PRELID3A: variants seen among roughly 807,000 people sequenced by gnomAD.
PRELID3A encodes the protein PRELI domain containing 3A.
In PRELID3A, 27 loss-of-function variants were observed where a neutral mutation model predicts 23.0. The observed-to-expected ratio is 1.17, with a 90% CI of 0.87 to 1.62. The LOEUF (loss-of-function observed/expected upper bound fraction) is 1.62, where lower values mean the gene tolerates loss of function less well. Among genes scored for constraint, PRELID3A ranks in the 40% most tolerant of loss-of-function variants. PRELID3A has a pLI of 0.00. For synonymous variants in PRELID3A, 87 were observed against 86.4 expected (o/e 1.01, Z -0.04); for missense variants, 231 against 231.4 (o/e 1.00, Z 0.01).
Position 12,411,843 on chromosome 18 carries a change from G to A in PRELID3A, c.32+3836G>A, listed in dbSNP as rs371415718. Among the ~76,000 whole-genome samples the A allele has an allele frequency of 6.6e-5, 10 of 152,192 alleles. No individual in the cohort carries two copies. The East Asian group carries it at 1.2e-3, about 18-fold the overall frequency. The stretch of plus-strand genomic sequence containing the variant: ...GTTTGGTGGGCATCCTTCTGAGGGG[G>A]TCTATATTCCAGAGGTTCACTTTAC... On this transcript the variant is annotated intron_variant, in intron 1 of 6. Transcript: ENST00000440960.
At chr18:12,419,665 C>T (rs534422954) in intron 1 of PRELID3A, among the ~76,000 whole-genome samples, 75 of 151,218 alleles carry the variant, frequency 5.0e-4, no homozygotes, top group African/African-American at 1.8e-3. Flanking sequence ...TTAGGCCGGG[C>T]GTGGTGGCTC....
In PRELID3A at chr18:12,429,400, C is replaced by T. The variant is rs774722196; in HGVS notation, c.516C>T (p.Ser172=). The T allele has an allele frequency of 4.4e-5, 71 of 1,613,436 alleles. 2 individuals are homozygous for T. In the East Asian group the frequency reaches 1.5e-3, roughly 35 times the overall value. The change falls in exon 6 of 7, where the codon AGC becomes AGT. Residue 172 remains serine, a synonymous_variant. Transcript: ENST00000440960. Reference sequence around the variant, plus strand: ...TTGAACACTCTGAAAGCGCTGTGAGCTAAGGAGGCCTGTGCCTGTGCTTGT... The same window carrying T: ...TTGAACACTCTGAAAGCGCTGTGAGTTAAGGAGGCCTGTGCCTGTGCTTGT... ...WIIEHSESAV[S] is the part of the protein sequence containing the mutation.
intron 1 of PRELID3A, among the ~76,000 whole-genome samples, chr18:12,419,299 C>G (rs2030063081): frequency 6.9e-6 from 1 of 145,676 alleles, no homozygotes; most frequent in South Asian, 2.2e-4. Context: ...GCACTCCAGC[C>G]TGGGTGACAG....
chr18:12,425,581 G>A lies in PRELID3A; in HGVS notation c.292-1460G>A, dbSNP rs1207383146. ...CAGAAGGCGGAGCTTGCAGTGAGCC[G>A]AGATCATGCCACTGCACTCCAGCCT... On this transcript the variant is annotated intron_variant, in intron 3 of 6. Coordinates refer to ENST00000440960, the MANE Select transcript of PRELID3A (RefSeq NM_001142405.2). 3.1e-4 allele frequency among the ~76,000 whole-genome samples: 46 copies of A among 150,118 alleles called. No individual in the cohort carries two copies. The East Asian group carries it at 5.2e-3, about 17-fold the overall frequency.
intron 1 of PRELID3A, among the ~76,000 whole-genome samples, chr18:12,409,158 G>GGTTTTTT: frequency 1.1e-5 from 1 of 88,078 alleles, no homozygotes; most frequent in Non-Finnish European, 2.3e-5. Context: ...ACCCAGGCTG[G>GGTTTTTT]GTTTTTTTTT....
At position 12,427,324 on chromosome 18, in the gene PRELID3A, G is replaced by C; in HGVS notation, c.465+1G>C. 1 of 1,598,660 alleles carries C rather than the reference G, an allele frequency of 6.3e-7. No individual in the cohort carries two copies. The highest frequency in any genetic ancestry group is 8.6e-7 in the Non-Finnish European group (1 of 1,166,266). On this transcript the variant is annotated splice_donor_variant, in intron 5 of 6. Coordinates refer to ENST00000440960, the MANE Select transcript of PRELID3A (RefSeq NM_001142405.2). LOFTEE classifies it high-confidence loss of function. ...TACGATATCATCCAATGCAAAGAAG[G>C]TATGTATCTCAATCCTAGGAGTCCT...
chr18:12,419,011 G>C (rs1045155630), intron 1 of PRELID3A, among the ~76,000 whole-genome samples: 2 of 152,052 alleles, frequency 1.3e-5, no homozygotes, highest in Non-Finnish European at 2.9e-5. Context: ...AACATAATGA[G>C]ACCTAAAAAA....
Position 12,426,502 on chromosome 18 carries a change from C to A in PRELID3A, c.292-539C>A, listed in dbSNP as rs7243034. Among the ~76,000 whole-genome samples, 617 of 145,102 alleles carry A rather than the reference C, an allele frequency of 4.3e-3. 1 individual carries two copies. The highest frequency in any genetic ancestry group is 0.015 in the African/African-American group (591 of 38,960). On this transcript the variant is annotated intron_variant, in intron 3 of 6. Transcript: ENST00000440960. ...CCAGGAGGCAGAGCTTTCAGTGAGC[C>A]GAGATCGCGCCACTGCACTCCAGCC...
Position 12,407,962 on chromosome 18 carries a change from C to T in PRELID3A, c.-14C>T, listed in dbSNP as rs574283069. 2.3e-6 allele frequency: 3 copies of T among 1,296,038 alleles called. No homozygotes were observed. Among genetic ancestry groups the T allele is most frequent in the South Asian group, 5.0e-5 (2 of 40,394 alleles). 80.3% of individuals were successfully genotyped at this position (1,296,038 alleles called of 1,614,324 possible). The stretch of plus-strand genomic sequence containing the variant: ...CGGCCCGGATCGCAGAGCCCGCGCC[C>T]TGCGCCGGCGGCAATGAAGATCTGG... On this transcript the variant is annotated 5_prime_UTR_variant, in exon 1 of 7. Coordinates refer to ENST00000440960, the MANE Select transcript of PRELID3A (RefSeq NM_001142405.2).
chr18:12,419,959 C>CTCCTCAGATTTGTCGG, intron 1 of PRELID3A: 1 of 256,028 alleles, frequency 3.9e-6, no homozygotes, highest in Non-Finnish European at 7.2e-6. Context: ...TTTGGTGGCA[C>CTCCTCAGATTTGTCGG]ACGCCTGTAG....
chr18:12,408,412 C>G (rs1909797839), intron 1 of PRELID3A, among the ~76,000 whole-genome samples: 1 of 152,070 alleles, frequency 6.6e-6, no homozygotes, highest in Admixed American at 6.6e-5. Context: ...GAGAGGCCTG[C>G]AAGCTGGCGC....
intron 1 of PRELID3A, 43 bp from the exon 2 acceptor site, chr18:12,420,282 C>G (rs758245263): frequency 9.7e-6 from 15 of 1,549,396 alleles, no homozygotes; most frequent in Non-Finnish European, 1.2e-5. Context: ...CTTGCGGCCC[C>G]GGCCCCGGCG....
In PRELID3A at chr18:12,421,637, A is replaced by C; in HGVS notation, c.291+8A>C. 6.3e-7 allele frequency: 1 copy of C among 1,585,754 alleles called. No individual in the cohort carries two copies. The highest frequency in any genetic ancestry group is 8.7e-7 in the Non-Finnish European group (1 of 1,154,490). On this transcript the variant is annotated splice_region_variant and intron_variant, in intron 3 of 6. Coordinates refer to ENST00000440960, the MANE Select transcript of PRELID3A (RefSeq NM_001142405.2). ...GAACTTTGTTCTACCAATGTAAGCA[A>C]TGGCCTCAGATGAGAAACGGGCTCA...
At position 12,429,240 on chromosome 18, in the gene PRELID3A, T is replaced by G. The variant is rs569461852; in HGVS notation, c.466-110T>G. On this transcript the variant is annotated intron_variant, in intron 5 of 6. Transcript: ENST00000440960. Reference sequence around the variant, plus strand: ...TCGGAAAGGTCACTGCTGTGTCTCCTTGTAACTGCAGCGCTTGCCTTCTGC... The same window carrying G: ...TCGGAAAGGTCACTGCTGTGTCTCCGTGTAACTGCAGCGCTTGCCTTCTGC... 8 of 870,568 alleles carry G rather than the reference T, an allele frequency of 9.2e-6. No individual in the cohort carries two copies. The East Asian group carries it at 2.0e-4, about 22-fold the overall frequency. 53.9% of individuals were successfully genotyped at this position (870,568 alleles called of 1,614,324 possible). A position where few individuals can be genotyped will look rare whatever the true frequency, so the allele number is the denominator to read the frequency against.
intron 1 of PRELID3A, among the ~76,000 whole-genome samples, chr18:12,409,925 C>T (rs1909855260): frequency 6.6e-6 from 1 of 152,116 alleles, no homozygotes; most frequent in African/African-American, 2.4e-5. Flanking sequence ...GTATGACCAT[C>T]ACACACACAG....
chr18:12,413,008 T>G (rs1205380854), intron 1 of PRELID3A, among the ~76,000 whole-genome samples: 2 of 152,212 alleles, frequency 1.3e-5, no homozygotes, highest in African/African-American at 4.8e-5. Context: ...TGGCAATATA[T>G]AGTTTTGGTT....
At position 12,429,359 on chromosome 18, in the gene PRELID3A, G is replaced by A. The variant is rs1243142528; in HGVS notation, c.475G>A (p.Ala159Thr). 2.8e-5 allele frequency: 45 copies of A among 1,613,734 alleles called. No homozygotes were observed. Among genetic ancestry groups the A allele is most frequent in the Non-Finnish European group, 3.6e-5 (43 of 1,179,986 alleles). ...ISSNAKKGWA[A>T]IEWIIEHSES... ...TCTTTCTGTGTTGCAGGGGTGGGCT[G>A]CTATCGAGTGGATAATTGAACACTC... Residue 159 changes from alanine to threonine, a missense_variant, in exon 6 of 7, where the codon GCT (alanine) becomes ACT (threonine). Physicochemically the swap from Ala to Thr is moderately conservative, Grantham distance 58. Coordinates refer to ENST00000440960, the MANE Select transcript of PRELID3A (RefSeq NM_001142405.2).
intron 1 of PRELID3A, chr18:12,410,803 T>A (rs767453507): frequency 6.6e-6 from 1 of 152,136 alleles, no homozygotes; most frequent in Non-Finnish European, 1.5e-5. Flanking sequence ...TTCAAGCAAT[T>A]CTTGTGCTTC....
intron 3 of PRELID3A, among the ~76,000 whole-genome samples, chr18:12,424,306 A>AAGAC (rs2030286901): frequency 6.6e-6 from 1 of 152,362 alleles, no homozygotes; most frequent in Non-Finnish European, 1.5e-5. Flanking sequence ...GGTTTGGAGC[A>AAGAC]AGACAGACAT....
Sources: gnomAD v4.1 joint callset for allele counts (sites outside exome capture counted in the v4.1 genomes callset) on GRCh38, gnomAD v4.1.1 for gene constraint, MANE v1.5 for transcripts, NCBI Gene and HGNC (gene_info 2026-07-23, HGNC 2026-07-21) for gene names.